Variants in OPCML observed in about 807,000 individuals in gnomAD.
OPCML encodes opioid-binding protein/cell adhesion molecule.
Under a neutral mutation model 37.8 loss-of-function variants are expected in OPCML, and 13 were observed. The ratio of observed to expected loss-of-function variants is 0.34; its 90% CI spans 0.22 to 0.55. The LOEUF is 0.55. Ranked by LOEUF, OPCML falls within the 20% of genes least tolerant of loss-of-function variation. The pLI is 0.91. For missense variants in OPCML, 341 were observed against 435.6 expected, an observed-to-expected ratio of 0.78 and a Z score of 1.93; for synonymous variants, 176 against 168.8, an observed-to-expected ratio of 1.04 and a Z score of -0.33.
chr11:132,417,250 A>T lies in OPCML; in HGVS notation c.*2943T>A, dbSNP rs1032027224. ...AGCATTTGTTGTTCTATATGCTTCA[A>T]AATGATGGGTGACAGCCACTCTCCC... is the stretch of plus-strand genomic sequence containing the variant. On this transcript the variant is annotated 3_prime_UTR_variant, in exon 8 of 8. Transcript: ENST00000524381. 2 of 152,224 alleles carry T rather than the reference A, an allele frequency of 1.3e-5. No homozygotes were observed. Among genetic ancestry groups the T allele is most frequent in the South Asian group, 2.1e-4 (1 of 4,830 alleles). The allele number at this position is 152,224 out of a possible 1,614,324, so 9.4% of individuals were successfully genotyped here. A position where few individuals can be genotyped will look rare whatever the true frequency, so the allele number is the denominator to read the frequency against.
chr11:132,428,960 C>T (rs911319987), intron 7 of OPCML, among the ~76,000 whole-genome samples: 7 of 152,058 alleles, frequency 4.6e-5, no homozygotes, highest in African/African-American at 1.7e-4. Flanking sequence ...TCTCCTGGTA[C>T]TTTAGTCCTT....
chr11:132,584,209 G>T (rs1415817934), intron 3 of OPCML, among the ~76,000 whole-genome samples: 2 of 152,052 alleles, frequency 1.3e-5, no homozygotes, highest in Non-Finnish European at 2.9e-5. Flanking sequence ...ATCAAGTAGA[G>T]GTAGGAGGAG....
At chr11:133,099,756 A>G (rs150153663) in intron 1 of OPCML, among the ~76,000 whole-genome samples, 9 of 152,096 alleles carry the variant, frequency 5.9e-5, no homozygotes, top group African/African-American at 2.2e-4. Flanking sequence ...CCCATTTTTA[A>G]TGGGGTTATT....
intron 1 of OPCML, among the ~76,000 whole-genome samples, chr11:133,161,466 G>A (rs868702356): frequency 2.6e-5 from 4 of 152,160 alleles, no homozygotes; most frequent in Admixed American, 6.5e-5. Flanking sequence ...GGACAGGAGC[G>A]TGGGATTTAA....
At chr11:133,225,814 A>G in intron 1 of OPCML, among the ~76,000 whole-genome samples, 1 of 152,222 alleles carries the variant, frequency 6.6e-6, no homozygotes, top group African/African-American at 2.4e-5. Context: ...TTCTAGTCTT[A>G]ATTAGGAAAA....
At chr11:132,779,857 A>G (rs2136146935) in intron 2 of OPCML, among the ~76,000 whole-genome samples, 1 of 152,314 alleles carries the variant, frequency 6.6e-6, no homozygotes, top group South Asian at 2.1e-4. Context: ...ATTCATTCCA[A>G]ACAGACCGAA....
At chr11:132,613,564 A>C (rs1938799121) in intron 3 of OPCML, among the ~76,000 whole-genome samples, 1 of 152,202 alleles carries the variant, frequency 6.6e-6, no homozygotes, top group African/African-American at 2.4e-5. Flanking sequence ...AAACCGAGGA[A>C]ATAGATATTG....
chr11:132,562,898 T>C (rs2096413721), intron 3 of OPCML, among the ~76,000 whole-genome samples: 1 of 152,202 alleles, frequency 6.6e-6, no homozygotes, highest in South Asian at 2.1e-4. Flanking sequence ...ATGTATACAC[T>C]GGAAATGCCT....
chr11:132,636,523 A>G (rs564501558), intron 3 of OPCML, among the ~76,000 whole-genome samples: 1 of 152,232 alleles, frequency 6.6e-6, no homozygotes, highest in South Asian at 2.1e-4. Flanking sequence ...CACAGTGATC[A>G]TATGTCCAAG....
intron 2 of OPCML, among the ~76,000 whole-genome samples, chr11:132,922,174 G>A (rs138948591): frequency 4.6e-5 from 7 of 152,008 alleles, no homozygotes; most frequent in African/African-American, 7.2e-5. Context: ...CACTACCCCC[G>A]GCCAATTTTA....
chr11:132,942,764 G>A (rs2136674890), intron 2 of OPCML, among the ~76,000 whole-genome samples, 162 bp downstream of exon 2: 2 of 152,310 alleles, frequency 1.3e-5, no homozygotes, highest in Middle Eastern at 6.8e-3. Flanking sequence ...CCTGTCCAGG[G>A]GCACGGCAGT....
At chr11:132,458,627 A>AT (rs1344800817) in intron 4 of OPCML, among the ~76,000 whole-genome samples, 2 of 152,226 alleles carry the variant, frequency 1.3e-5, no homozygotes, top group South Asian at 2.1e-4. Flanking sequence ...AATTTGAATA[A>AT]TTTTTTTAAA....
chr11:132,858,887 T>C (rs1043982556), intron 2 of OPCML, among the ~76,000 whole-genome samples: 1 of 152,178 alleles, frequency 6.6e-6, no homozygotes, highest in Non-Finnish European at 1.5e-5. Context: ...GCAGCAGAAA[T>C]GCAAAAGATC....
intron 4 of OPCML, among the ~76,000 whole-genome samples, chr11:132,460,958 A>T (rs2096099541): frequency 6.6e-6 from 1 of 152,208 alleles, no homozygotes; most frequent in Admixed American, 6.5e-5. Flanking sequence ...AAAGCATTTC[A>T]TGAATTAAAT....
At chr11:132,547,448 T>C (rs2096371299) in intron 3 of OPCML, among the ~76,000 whole-genome samples, 2 of 151,956 alleles carry the variant, frequency 1.3e-5, no homozygotes, top group Non-Finnish European at 2.9e-5. Flanking sequence ...CAAGTTAAAG[T>C]AGGAGGAGAA....
chr11:132,938,411 C>T (rs1019959633), intron 2 of OPCML, among the ~76,000 whole-genome samples: 2 of 152,118 alleles, frequency 1.3e-5, no homozygotes, highest in Non-Finnish European at 2.9e-5. Flanking sequence ...AACAAATATA[C>T]TTTAAAGCTG....
intron 2 of OPCML, among the ~76,000 whole-genome samples, chr11:132,838,482 A>C (rs2136296204): frequency 6.6e-6 from 1 of 152,318 alleles, no homozygotes; most frequent in Non-Finnish European, 1.5e-5. Flanking sequence ...GTAATTCACA[A>C]TACTACAGAA....
chr11:132,825,698 C>G (rs888562569), intron 2 of OPCML, among the ~76,000 whole-genome samples: 1 of 152,192 alleles, frequency 6.6e-6, no homozygotes, highest in African/African-American at 2.4e-5. Context: ...GTGTGAATGA[C>G]TCTTAGCCCT....
chr11:132,593,813 C>T (rs139744229), intron 3 of OPCML, among the ~76,000 whole-genome samples: 52 of 152,196 alleles, frequency 3.4e-4, no homozygotes, highest in African/African-American at 1.2e-3. Flanking sequence ...TGATACTTGT[C>T]CTGTAACCAT....
Sources: gnomAD v4.1 joint callset for allele counts (sites outside exome capture counted in the v4.1 genomes callset) on GRCh38, gnomAD v4.1.1 for gene constraint, MANE v1.5 for transcripts, NCBI Gene and HGNC (gene_info 2026-07-23, HGNC 2026-07-21) for gene names.